SPTBN4: variants seen among roughly 807,000 people sequenced by gnomAD.
SPTBN4 encodes the protein spectrin beta, non-erythrocytic 4.
SPTBN4 carries 96 observed loss-of-function variants against 277.8 expected under a neutral mutation model. The observed-to-expected ratio is 0.35, with a 90% CI of 0.29 to 0.41. SPTBN4 has a LOEUF of 0.41. Ranked by LOEUF, SPTBN4 falls within the 10% of genes least tolerant of loss-of-function variation. The pLI is 1.00. For synonymous variants in SPTBN4, 1,481 were observed against 1,580.3 expected, an observed-to-expected ratio of 0.94 and a Z score of 1.49; for missense variants, 3,006 against 3,595.7, an observed-to-expected ratio of 0.84 and a Z score of 4.19.
At chr19:40,501,864 T>G in intron 7 of SPTBN4, 57 bp from the exon 8 acceptor site, 1 of 1,466,066 alleles carries the variant, frequency 6.8e-7, no homozygotes, top group Non-Finnish European at 9.5e-7. Context: ...TCCAATACCT[T>G]CAAGCACTCT....
Position 40,550,288 on chromosome 19 carries a change from C to G in SPTBN4, c.4635C>G (p.Asn1545Lys). 6.2e-7 allele frequency: 1 copy of G among 1,612,362 alleles called. No homozygotes were observed. The change falls in exon 22 of 36, where the codon AAC becomes AAG. Residue 1545 changes from asparagine to lysine, a missense_variant. Transcript: ENST00000598249. ...LPLAMQTERG[N>K]GLQAVQQHIK... Reference sequence around the variant, plus strand: ...TGGCCATGCAGACAGAGCGAGGCAACGGTTTGCAGGCGGTCCAGCAGCACA... The same window carrying G: ...TGGCCATGCAGACAGAGCGAGGCAAGGGTTTGCAGGCGGTCCAGCAGCACA...
At chr19:40,530,681 C>G in intron 18 of SPTBN4, 2 of 575,174 alleles carry the variant, frequency 3.5e-6, no homozygotes, top group Non-Finnish European at 4.4e-6. Context: ...CCGTCGTGGC[C>G]GCGGGAGGGA....
chr19:40,487,117 A>G (rs1341384532), intron 2 of SPTBN4, among the ~76,000 whole-genome samples: 9 of 150,238 alleles, frequency 6.0e-5, no homozygotes, highest in East Asian at 3.9e-4. Context: ...GCTCACTGCA[A>G]CCTCCGCTCC....
intron 2 of SPTBN4, among the ~76,000 whole-genome samples, chr19:40,473,962 T>C (rs1483124027): frequency 1.3e-5 from 2 of 150,652 alleles, no homozygotes; most frequent in Non-Finnish European, 3.0e-5. Context: ...GCCAACATAG[T>C]GAAACCCTGT....
At chr19:40,526,234 G>T (rs1393786308) in intron 17 of SPTBN4, among the ~76,000 whole-genome samples, 4 of 147,598 alleles carry the variant, frequency 2.7e-5, no homozygotes, top group African/African-American at 7.5e-5. Flanking sequence ...GTGTAGTGGC[G>T]CGATCTCGCC....
At position 40,568,271 on chromosome 19, in the gene SPTBN4, C is replaced by T; in HGVS notation, c.6945C>T (p.Asp2315=). ...AACAGGAGATGCCCATCAGAGGAGACCTGGTCAAGGGGTGAGGTGCCCGCC... is the reference window on the plus strand; with the variant it reads ...AACAGGAGATGCCCATCAGAGGAGATCTGGTCAAGGGGTGAGGTGCCCGCC... The part of the protein sequence containing the change: ...SSEQEMPIRG[D]LVKGKATLAD... The change falls in exon 31 of 36, where the codon GAC becomes GAT. Residue 2315 remains aspartate (D), a synonymous_variant. Transcript: ENST00000598249. 1 of 1,605,030 alleles carries T rather than the reference C, an allele frequency of 6.2e-7. No individual in the cohort carries two copies. Among genetic ancestry groups the T allele is most frequent in the Non-Finnish European group, 8.5e-7 (1 of 1,176,084 alleles).
At chr19:40,486,426 G>A (rs925999247) in intron 2 of SPTBN4, among the ~76,000 whole-genome samples, 1 of 151,268 alleles carries the variant, frequency 6.6e-6, no homozygotes, top group Non-Finnish European at 1.5e-5. Flanking sequence ...CTGGAGTGCA[G>A]TGGCATGAGC....
At chr19:40,575,028 A>AG (rs904051504) in intron 35 of SPTBN4, among the ~76,000 whole-genome samples, 1 of 151,782 alleles carries the variant, frequency 6.6e-6, no homozygotes, top group African/African-American at 2.4e-5. Flanking sequence ...AAAAAAAAAA[A>AG]AAAAGTCTCT....
At chr19:40,492,333 T>G (rs2080147905) in intron 4 of SPTBN4, among the ~76,000 whole-genome samples, 1 of 151,772 alleles carries the variant, frequency 6.6e-6, no homozygotes, top group African/African-American at 2.4e-5. Context: ...CTGAGGCCAG[T>G]TTGAGATGGG....
intron 15 of SPTBN4, among the ~76,000 whole-genome samples, chr19:40,516,788 C>T (rs1181395385): frequency 6.6e-6 from 1 of 152,170 alleles, no homozygotes; most frequent in Non-Finnish European, 1.5e-5. Flanking sequence ...CACACCACTG[C>T]ACTCCAGCCT....
chr19:40,569,663 C>A lies in SPTBN4; in HGVS notation c.6963C>A (p.Ala2321=). The change falls in exon 32 of 36, where the codon GCC becomes GCA. Residue 2321 remains alanine (A), a synonymous_variant. Coordinates refer to ENST00000598249, the MANE Select transcript of SPTBN4 (RefSeq NM_020971.3). The part of the protein sequence containing the change: ...PIRGDLVKGK[A]TLADIVEQLQ... ...TCTGTCCCCCATCCCCCAGGAAGGC[C>A]ACCCTGGCTGACATTGTGGAACAGC... 1 of 1,612,758 alleles carries A rather than the reference C, an allele frequency of 6.2e-7. No individual in the cohort carries two copies. The highest frequency in any genetic ancestry group is 1.1e-5 in the South Asian group (1 of 90,884).
chr19:40,507,770 G>T (rs953505345), intron 13 of SPTBN4, among the ~76,000 whole-genome samples: 1 of 152,154 alleles, frequency 6.6e-6, no homozygotes, highest in African/African-American at 2.4e-5. Context: ...AGGAGGCAGA[G>T]GTTGCCATGA....
At chr19:40,561,651 G>A (rs181496888) in intron 27 of SPTBN4, among the ~76,000 whole-genome samples, 171 of 151,952 alleles carry the variant, frequency 1.1e-3, no homozygotes, top group Middle Eastern at 3.4e-3. Flanking sequence ...GCAAAACTCC[G>A]TCTCTACTAA....
intron 2 of SPTBN4, among the ~76,000 whole-genome samples, chr19:40,484,348 A>G (rs1012572348): frequency 2.6e-5 from 4 of 152,234 alleles, no homozygotes; most frequent in Admixed American, 6.6e-5. Flanking sequence ...ACTTAATAGG[A>G]AACTTAATAT....
At chr19:40,501,406 C>A (rs907991558) in intron 7 of SPTBN4, among the ~76,000 whole-genome samples, 6 of 152,128 alleles carry the variant, frequency 3.9e-5, no homozygotes, top group African/African-American at 1.4e-4. Context: ...CGGTGGCTCA[C>A]ATCTGTAATC....
intron 20 of SPTBN4, among the ~76,000 whole-genome samples, chr19:40,539,867 T>C (rs10411157): frequency 5.1e-4 from 77 of 152,080 alleles, no homozygotes; most frequent in African/African-American, 1.8e-3. Context: ...CATAATGCAT[T>C]AAGTGGTTTC....
intron 18 of SPTBN4, among the ~76,000 whole-genome samples, chr19:40,530,247 C>A (rs944481142): frequency 1.3e-5 from 2 of 152,154 alleles, no homozygotes; most frequent in Non-Finnish European, 2.9e-5. Flanking sequence ...CAGGCGCTCC[C>A]TCCCGGCATT....
intron 27 of SPTBN4, among the ~76,000 whole-genome samples, 177 bp from the exon 28 acceptor site, chr19:40,565,246 T>C (rs1347535039): frequency 1.3e-5 from 2 of 149,856 alleles, no homozygotes; most frequent in Non-Finnish European, 3.0e-5. Context: ...GCCTGGGCCA[T>C]AGGGTGAGAC....
rs199818323 is a variant in SPTBN4, at chr19:40,566,143, C to G, written c.6140-20C>G. The G allele has an allele frequency of 1.4e-6, 2 of 1,475,994 alleles. No individual in the cohort carries two copies. Among genetic ancestry groups the G allele is most frequent in the East Asian group, 2.5e-5 (1 of 39,906 alleles). The allele number at this position is 1,475,994 out of a possible 1,614,324, so 91.4% of individuals were successfully genotyped here. ...GGCCCCAGATGCCCCAGAATCCTTA[C>G]CCTGCATGCCCCTCCTCAGTGCTGG... On this transcript the variant is annotated intron_variant, in intron 29 of 35. Coordinates refer to ENST00000598249, the MANE Select transcript of SPTBN4 (RefSeq NM_020971.3).
Sources: allele counts gnomAD v4.1 joint callset (sites outside exome capture counted in the v4.1 genomes callset), GRCh38; gene constraint gnomAD v4.1.1; transcripts MANE v1.5; gene names NCBI Gene and HGNC (gene_info 2026-07-23, HGNC 2026-07-21).